Variants in DBF4B observed in about 807,000 individuals in gnomAD.
The protein encoded by DBF4B is DBF4B-CDC7 kinase regulatory subunit, also known as protein DBF4 homolog B.
In DBF4B, 49 loss-of-function variants were observed where a neutral mutation model predicts 53.4. That is an observed-to-expected ratio of 0.92 (90% CI 0.73 to 1.16). The LOEUF is 1.16. Among genes scored for constraint, DBF4B ranks in the 50% most tolerant of loss-of-function variants. DBF4B has a pLI of 0.00. For synonymous variants in DBF4B, 257 were observed against 288.7 expected (o/e 0.89, Z 1.11); for missense variants, 692 against 775.0 (o/e 0.89, Z 1.27).
At chr17:44,739,938 T>C (rs139380163) in intron 9 of DBF4B, among the ~76,000 whole-genome samples, 202 of 152,316 alleles carry the variant, frequency 1.3e-3, no homozygotes, top group African/African-American at 4.5e-3. Context: ...CTAATTTTTG[T>C]ATTTTTTGTA....
chr17:44,751,921 C>A lies in DBF4B; in HGVS notation c.*668C>A. 6.5e-7 allele frequency: 1 copy of A among 1,536,182 alleles called. No homozygotes were observed. Among genetic ancestry groups the A allele is most frequent in the Non-Finnish European group, 8.7e-7 (1 of 1,146,900 alleles). ...CTGCCCTTCCTCACCATTGCCCATT[C>A]CCTCGTTCGTTCATTCAGCACAGGC... is the stretch of plus-strand genomic sequence containing the variant. On this transcript the variant is annotated 3_prime_UTR_variant, in exon 14 of 14. Coordinates refer to ENST00000315005, the MANE Select transcript of DBF4B (RefSeq NM_145663.3).
intron 2 of DBF4B, chr17:44,720,223 G>A: frequency 2.8e-6 from 1 of 355,804 alleles, no homozygotes. Context: ...CTTTTGCCAT[G>A]GCTCAACAGC....
intron 13 of DBF4B, chr17:44,750,117 G>A (rs1040463907): frequency 5.0e-6 from 5 of 997,000 alleles, no homozygotes; most frequent in East Asian, 1.1e-4. Context: ...CGGGGCCAGT[G>A]TGTCACCTGC....
intron 2 of DBF4B, chr17:44,720,169 G>A (rs1368414070): frequency 5.6e-5 from 20 of 356,662 alleles, no homozygotes; most frequent in Admixed American, 5.2e-4. Flanking sequence ...CGTCCTGGAG[G>A]TGATGCTGGA....
In DBF4B at chr17:44,749,651, C is replaced by G; in HGVS notation, c.1190-944C>G. 1 of 1,171,152 alleles carries G rather than the reference C, an allele frequency of 8.5e-7. No homozygotes were observed. The highest frequency in any genetic ancestry group is 1.7e-5 in the South Asian group (1 of 59,520). The allele number at this position is 1,171,152 out of a possible 1,614,324, so 72.5% of individuals were successfully genotyped here. On this transcript the variant is annotated intron_variant, in intron 13 of 13. Coordinates refer to ENST00000315005, the MANE Select transcript of DBF4B (RefSeq NM_145663.3). This position sits in a 1 kb window ranked among gnomAD's most constrained non-coding sequence, Gnocchi z 4.4. Reference sequence around the variant, plus strand: ...AGGCAGAGTCTACAGTGGGCTTGCCCAGCTGAGGCTGGCCGCCCACGCCAG... The same window carrying G: ...AGGCAGAGTCTACAGTGGGCTTGCCGAGCTGAGGCTGGCCGCCCACGCCAG...
In DBF4B at chr17:44,749,664, C is replaced by T; in HGVS notation, c.1190-931C>T. On this transcript the variant is annotated intron_variant, in intron 13 of 13. Transcript: ENST00000315005. This position sits in a 1 kb window ranked among gnomAD's most constrained non-coding sequence, Gnocchi z 4.4. ...AGTGGGCTTGCCCAGCTGAGGCTGG[C>T]CGCCCACGCCAGGAGGCAGAGGCGA... 8.6e-7 allele frequency: 1 copy of T among 1,168,672 alleles called. No homozygotes were observed. Among genetic ancestry groups the T allele is most frequent in the Non-Finnish European group, 1.1e-6 (1 of 930,210 alleles). 72.4% of individuals were successfully genotyped at this position (1,168,672 alleles called of 1,614,324 possible).
chr17:44,732,354 G>A, intron 6 of DBF4B, 89 bp downstream of exon 6: 1 of 1,386,096 alleles, frequency 7.2e-7, no homozygotes, highest in African/African-American at 1.4e-5. Context: ...GGTCATGTGA[G>A]CTTCTGGTCA....
chr17:44,734,741 C>T (rs1231104539), intron 7 of DBF4B, among the ~76,000 whole-genome samples: 1 of 152,222 alleles, frequency 6.6e-6, no homozygotes, highest in Non-Finnish European at 1.5e-5. Context: ...CATCCAGGCA[C>T]AGGACGAACA....
At position 44,747,508 on chromosome 17, in the gene DBF4B, C is replaced by T. The variant is rs144366152; in HGVS notation, c.1057C>T (p.Leu353Phe). ...TGCAGACATCCCTTTCCAGGCTGGC[C>T]TCCCCAGGTGAGTGCCACGCTGGCA... is the stretch of plus-strand genomic sequence containing the variant. ...SFADIPFQAGLPRWSGSPASD... is the reference protein window; with the variant it reads ...SFADIPFQAGFPRWSGSPASD... Residue 353 changes from leucine to phenylalanine, a missense_variant, in exon 12 of 14, where the codon CTC becomes TTC. Transcript: ENST00000315005. The T allele has an allele frequency of 6.2e-7, 1 of 1,613,880 alleles. No homozygotes were observed. Among genetic ancestry groups the T allele is most frequent in the African/African-American group, 1.3e-5 (1 of 75,072 alleles).
At chr17:44,741,849 T>G (rs138516217) in intron 10 of DBF4B, among the ~76,000 whole-genome samples, 1 of 152,134 alleles carries the variant, frequency 6.6e-6, no homozygotes, top group Non-Finnish European at 1.5e-5. Context: ...GTTACCTCAC[T>G]CGGCAGGGTT....
rs1974896657 is a variant in DBF4B, at chr17:44,732,171, A to G, written c.469-7A>G. ...TGCTCCTACCTGACTCTGTGTTGTA[A>G]TTTCAGGGGAGCATCAGTGGAGGAG... On this transcript the variant is annotated splice_polypyrimidine_tract_variant and splice_region_variant and intron_variant, in intron 5 of 13. Coordinates refer to ENST00000315005, the MANE Select transcript of DBF4B (RefSeq NM_145663.3). 1 of 1,613,816 alleles carries G rather than the reference A, an allele frequency of 6.2e-7. No individual in the cohort carries two copies. The highest frequency in any genetic ancestry group is 8.5e-7 in the Non-Finnish European group (1 of 1,179,906).
rs1370198107 is a variant in DBF4B, at chr17:44,730,238, C to T, written c.417+142C>T. The stretch of plus-strand genomic sequence containing the variant: ...AATTCAGGGACTGAGAATATTTTAT[C>T]ATAGCTCTGGATCTAAACACCTCAG... On this transcript the variant is annotated intron_variant, in intron 4 of 13. Transcript: ENST00000315005. The T allele has an allele frequency of 6.1e-6, 6 of 989,230 alleles. No individual in the cohort carries two copies. The East Asian group carries it at 1.6e-4, about 26-fold the overall frequency. The allele number at this position is 989,230 out of a possible 1,614,324, so 61.3% of individuals were successfully genotyped here.
chr17:44,751,487 C>T lies in DBF4B; in HGVS notation c.*234C>T. ...TCTTTCTGAAGAGGTGTCCTCCCTC[C>T]ACAAGTCACACTGTCTGTCCCTGGC... On this transcript the variant is annotated 3_prime_UTR_variant, in exon 14 of 14. Coordinates refer to ENST00000315005, the MANE Select transcript of DBF4B (RefSeq NM_145663.3). The T allele has an allele frequency of 7.1e-7, 1 of 1,403,736 alleles. No individual in the cohort carries two copies. The highest frequency in any genetic ancestry group is 9.2e-7 in the Non-Finnish European group (1 of 1,083,300). The allele number at this position is 1,403,736 out of a possible 1,614,324, so 87.0% of individuals were successfully genotyped here.
chr17:44,717,533 C>G (rs577057235), intron 2 of DBF4B, among the ~76,000 whole-genome samples: 2 of 151,588 alleles, frequency 1.3e-5, no homozygotes, highest in African/African-American at 2.4e-5. Flanking sequence ...ATGGTGAAAC[C>G]CTGTCTCTAC....
At position 44,727,393 on chromosome 17, in the gene DBF4B, C is replaced by T. The variant is rs141401261; in HGVS notation, c.226-2512C>T. ...AAAATTGTGCCATTGCACTCCAGCCCGGGCAACAGAGCAAGACTCTGTCTC... is the reference window on the plus strand; with the variant it reads ...AAAATTGTGCCATTGCACTCCAGCCTGGGCAACAGAGCAAGACTCTGTCTC... On this transcript the variant is annotated intron_variant, in intron 3 of 13. Coordinates refer to ENST00000315005, the MANE Select transcript of DBF4B (RefSeq NM_145663.3). Among the ~76,000 whole-genome samples the T allele has an allele frequency of 3.0e-3, 461 of 151,538 alleles. 3 individuals are homozygous for T. The highest frequency in any genetic ancestry group is 0.01 in the African/African-American group (432 of 41,342).
At position 44,730,824 on chromosome 17, in the gene DBF4B, T is replaced by G. The variant is rs1009932029; in HGVS notation, c.418-141T>G. 7 of 810,972 alleles carry G rather than the reference T, an allele frequency of 8.6e-6. No homozygotes were observed. In the Admixed American group the frequency reaches 9.7e-5, roughly 11 times the overall value. The allele number at this position is 810,972 out of a possible 1,614,324, so 50.2% of individuals were successfully genotyped here. A position where few individuals can be genotyped will look rare whatever the true frequency, so the allele number is the denominator to read the frequency against. On this transcript the variant is annotated intron_variant, in intron 4 of 13. Transcript: ENST00000315005. ...TAAACGTTTTCTAGGCTCTCATTTC[T>G]ACCAATCCTCAGTTGTCACTGCTCC...
At chr17:44,744,095 C>T (rs937798118) in intron 10 of DBF4B, among the ~76,000 whole-genome samples, 2 of 64,192 alleles carry the variant, frequency 3.1e-5, no homozygotes, top group Non-Finnish European at 3.3e-5. Flanking sequence ...CCCCCCCCCC[C>T]CGCCCATCTC....
rs542918715 is a variant in DBF4B, at chr17:44,728,370, C to T, written c.226-1535C>T. On this transcript the variant is annotated intron_variant, in intron 3 of 13. Transcript: ENST00000315005. ...GGGCATAAAAAAGTAGGTCCCACCT[C>T]CTAATGGCAGGAAGAGCAAAGTCAT... Among the ~76,000 whole-genome samples, 13 of 152,184 alleles carry T rather than the reference C, an allele frequency of 8.5e-5. No individual in the cohort carries two copies. The South Asian group carries it at 2.1e-3, about 24-fold the overall frequency.
chr17:44,727,861 G>A (rs2906780), intron 3 of DBF4B, among the ~76,000 whole-genome samples: 1 of 146,240 alleles, frequency 6.8e-6, no homozygotes, highest in South Asian at 2.2e-4. Flanking sequence ...CCATGCCCGG[G>A]TAATTTTTTT....
Sources: gnomAD v4.1 joint callset for allele counts (sites outside exome capture counted in the v4.1 genomes callset) on GRCh38, gnomAD v4.1.1 for gene constraint, Gnocchi (gnomAD v3.1) non-coding constraint, MANE v1.5 for transcripts, NCBI Gene and HGNC (gene_info 2026-07-23, HGNC 2026-07-21) for gene names.